QTMAN: variants seen among roughly 807,000 people sequenced by gnomAD.
The protein encoded by QTMAN is queuosine-tRNA mannosyltransferase, also known as tRNA-queuosine alpha-mannosyltransferase.
chr2:144,144,122 CA>C, the QTMAN span, among the ~76,000 whole-genome samples: 3 of 151,854 alleles, frequency 2.0e-5, no homozygotes, highest in East Asian at 5.8e-4. Flanking sequence ...AAATCATGTA[CA>C]AAACTTTTAT....
chr2:144,186,065 C>T, the QTMAN span, among the ~76,000 whole-genome samples: 1 of 152,180 alleles, frequency 6.6e-6, no homozygotes, highest in Non-Finnish European at 1.5e-5. Flanking sequence ...TATTCATTTA[C>T]AGCTAGACAG....
chr2:144,150,925 C>T, the QTMAN span, among the ~76,000 whole-genome samples: 1 of 152,062 alleles, frequency 6.6e-6, no homozygotes, highest in Non-Finnish European at 1.5e-5. Context: ...AAATTACAGA[C>T]ATAAAATGGA....
chr2:144,055,836 C>A, the QTMAN span, among the ~76,000 whole-genome samples: 1 of 152,112 alleles, frequency 6.6e-6, no homozygotes, highest in Non-Finnish European at 1.5e-5. Context: ...TAGAACCTGA[C>A]CATCAGGTAG....
the QTMAN span, among the ~76,000 whole-genome samples, chr2:144,227,331 C>T: frequency 5.2e-3 from 784 of 152,198 alleles, 12 homozygotes; most frequent in African/African-American, 0.018. Flanking sequence ...ATGGAATACC[C>T]AGCCCCCAAC....
the QTMAN span, among the ~76,000 whole-genome samples, chr2:144,044,084 T>C: frequency 1.3e-5 from 2 of 152,212 alleles, no homozygotes; most frequent in Admixed American, 1.3e-4. Flanking sequence ...AGACAGAACA[T>C]CAAAGACAAG....
the QTMAN span, among the ~76,000 whole-genome samples, chr2:143,956,513 C>T: frequency 6.6e-6 from 1 of 151,922 alleles, no homozygotes; most frequent in Non-Finnish European, 1.5e-5. Context: ...TATATATGTG[C>T]TTGTTTTATG....
the QTMAN span, among the ~76,000 whole-genome samples, chr2:144,252,964 T>C: frequency 6.6e-6 from 1 of 152,124 alleles, no homozygotes; most frequent in South Asian, 2.1e-4. Flanking sequence ...AGAAATGATA[T>C]GGTTTGGCTG....
At chr2:143,973,114 T>C in the QTMAN span, among the ~76,000 whole-genome samples, 1 of 152,270 alleles carries the variant, frequency 6.6e-6, no homozygotes, top group East Asian at 1.9e-4. Context: ...AGATAAGTAG[T>C]AAGTGGGTTT....
the QTMAN span, among the ~76,000 whole-genome samples, chr2:143,993,307 T>C: frequency 6.6e-6 from 1 of 152,068 alleles, no homozygotes; most frequent in African/African-American, 2.4e-5. Context: ...TCATAGTGAT[T>C]GCACATGGTG....
chr2:144,108,934 C>A, the QTMAN span, among the ~76,000 whole-genome samples: 1 of 152,292 alleles, frequency 6.6e-6, no homozygotes, highest in African/African-American at 2.4e-5. Context: ...AATGGAAGAA[C>A]ATTCCATGCT....
At chr2:144,071,497 T>C in the QTMAN span, among the ~76,000 whole-genome samples, 3 of 152,202 alleles carry the variant, frequency 2.0e-5, no homozygotes, top group African/African-American at 4.8e-5. Flanking sequence ...CAGAAATGGA[T>C]ACTCGCTTTT....
chr2:144,058,114 C>A, the QTMAN span, among the ~76,000 whole-genome samples: 13 of 128,068 alleles, frequency 1.0e-4, 1 homozygote, highest in African/African-American at 4.8e-4. Flanking sequence ...AGAAAGAACC[C>A]CCCTCCCCCA....
the QTMAN span, among the ~76,000 whole-genome samples, chr2:144,014,897 C>T: frequency 2.6e-4 from 40 of 152,242 alleles, no homozygotes; most frequent in Admixed American, 1.6e-3. Context: ...CTTATTTATA[C>T]CATTTGCTTA....
At chr2:144,296,806 C>G in the QTMAN span, among the ~76,000 whole-genome samples, 1 of 152,158 alleles carries the variant, frequency 6.6e-6, no homozygotes, top group Non-Finnish European at 1.5e-5. Flanking sequence ...GTCATCCTCA[C>G]CACTATGAGG....
chr2:144,139,029 G>A, the QTMAN span, among the ~76,000 whole-genome samples: 1 of 152,026 alleles, frequency 6.6e-6, no homozygotes, highest in African/African-American at 2.4e-5. Flanking sequence ...GATTTGAGAG[G>A]ATATGCAAGA....
At chr2:144,178,563 T>C in the QTMAN span, 1 of 154,176 alleles carries the variant, frequency 6.5e-6, no homozygotes, top group African/African-American at 2.4e-5. Context: ...CTTTCTCTAT[T>C]TCAGCTGCCT....
chr2:144,037,155 G>A, the QTMAN span, among the ~76,000 whole-genome samples: 1 of 152,090 alleles, frequency 6.6e-6, no homozygotes, highest in African/African-American at 2.4e-5. Flanking sequence ...GTTTTCCTTT[G>A]GAGTGATGGA....
chr2:143,987,183 A>C, the QTMAN span, among the ~76,000 whole-genome samples: 1 of 152,170 alleles, frequency 6.6e-6, no homozygotes, highest in African/African-American at 2.4e-5. Context: ...CTATGACCTC[A>C]AGTAGGGTCT....
chr2:144,071,239 C>A, the QTMAN span, among the ~76,000 whole-genome samples: 3 of 148,430 alleles, frequency 2.0e-5, no homozygotes, highest in African/African-American at 2.5e-5. Flanking sequence ...AACATGGGAA[C>A]ATTTTGCCCT....
Sources: allele counts gnomAD v4.1 joint callset (sites outside exome capture counted in the v4.1 genomes callset), GRCh38; gene constraint gnomAD v4.1.1; transcripts MANE v1.5; gene names NCBI Gene and HGNC (gene_info 2026-07-23, HGNC 2026-07-21).